Variants in AEBP2 observed in about 807,000 individuals in gnomAD.
AEBP2 encodes AE binding protein 2.
Under a neutral mutation model 50.8 loss-of-function variants are expected in AEBP2, and 10 were observed. That is an observed-to-expected ratio of 0.20 (90% CI 0.12 to 0.33). The LOEUF (loss-of-function observed/expected upper bound fraction) is 0.33. Ranked by LOEUF, AEBP2 falls within the 10% of genes least tolerant of loss-of-function variation. The pLI is 1.00. For synonymous variants in AEBP2, 296 were observed against 261.3 expected (o/e 1.13, Z -1.28); for missense variants, 570 against 688.0 (o/e 0.83, Z 1.92).
upstream of AEBP2, among the ~76,000 whole-genome samples, chr12:19,436,375 A>G (rs1947861400): frequency 6.6e-6 from 1 of 152,040 alleles, no homozygotes; most frequent in African/African-American, 2.4e-5. Context: ...ATGACCATAA[A>G]AGTGGCCAGC....
chr12:19,508,208 GT>G (rs1949180585), intron 5 of AEBP2, among the ~76,000 whole-genome samples: 1 of 151,836 alleles, frequency 6.6e-6, no homozygotes, highest in Non-Finnish European at 1.5e-5. Context: ...TTTTTTTGTT[GT>G]TTTTAAAAAA....
At chr12:19,405,692 G>A (rs1477442654) in intron 1 of AEBP2, among the ~76,000 whole-genome samples, 1 of 152,142 alleles carries the variant, frequency 6.6e-6, no homozygotes, top group African/African-American at 2.4e-5. Context: ...GTAGAGAGGT[G>A]GGAGGACTGG....
intron 1 of AEBP2, among the ~76,000 whole-genome samples, chr12:19,459,384 A>T (rs148763380): frequency 0.021 from 3,265 of 152,050 alleles, 39 homozygotes; most frequent in East Asian, 0.042. Context: ...GGCTCCTGCC[A>T]CTATGCCTGG....
At chr12:19,421,405 T>C (rs1174238481) in intron 1 of AEBP2, among the ~76,000 whole-genome samples, 2 of 145,096 alleles carry the variant, frequency 1.4e-5, no homozygotes, top group Non-Finnish European at 3.0e-5. Flanking sequence ...GAGGGCCCAG[T>C]ATTTTGGCAG....
intron 2 of AEBP2, among the ~76,000 whole-genome samples, chr12:19,465,426 G>T (rs923032302): frequency 6.6e-6 from 1 of 151,928 alleles, no homozygotes; most frequent in Non-Finnish European, 1.5e-5. Flanking sequence ...AAAGAGTAAT[G>T]TTATTTTGAT....
intron 1 of AEBP2, among the ~76,000 whole-genome samples, chr12:19,459,341 C>T (rs1349294446): frequency 6.6e-6 from 1 of 151,944 alleles, no homozygotes; most frequent in East Asian, 1.9e-4. Flanking sequence ...ATGCCATTCT[C>T]CTGCCTTAGC....
At chr12:19,412,020 A>G (rs2153363338) in intron 1 of AEBP2, among the ~76,000 whole-genome samples, 1 of 152,312 alleles carries the variant, frequency 6.6e-6, no homozygotes, top group Non-Finnish European at 1.5e-5. Flanking sequence ...CCTGTCCGTA[A>G]GTGCTGCGCA....
chr12:19,496,705 A>T (rs11044619), intron 4 of AEBP2, among the ~76,000 whole-genome samples: 9 of 146,654 alleles, frequency 6.1e-5, no homozygotes, highest in Non-Finnish European at 1.2e-4. Context: ...TCTGTCACCC[A>T]GGCTGGAATG....
intron 4 of AEBP2, among the ~76,000 whole-genome samples, chr12:19,499,683 T>C (rs568080099): frequency 6.6e-6 from 1 of 151,952 alleles, no homozygotes; most frequent in Non-Finnish European, 1.5e-5. Context: ...TGAAATTACA[T>C]GGTAACACAA....
At chr12:19,436,959 C>T (rs112634751), upstream of AEBP2, among the ~76,000 whole-genome samples, 431 of 152,238 alleles carry the variant, frequency 2.8e-3, 1 homozygote, top group African/African-American at 9.8e-3. Context: ...AAGTCTCTCA[C>T]TGAACCTCTG....
intron 1 of AEBP2, among the ~76,000 whole-genome samples, chr12:19,427,107 G>A (rs546608999): frequency 2.0e-5 from 3 of 151,874 alleles, no homozygotes; most frequent in African/African-American, 7.2e-5. Flanking sequence ...GGTCGGGCAC[G>A]GTGGCTTATG....
chr12:19,500,262 T>C (rs1949047643), intron 5 of AEBP2, 41 bp downstream of exon 5: 3 of 1,375,776 alleles, frequency 2.2e-6, no homozygotes, highest in South Asian at 1.6e-5. Context: ...TATAAAACTT[T>C]GCAAAAAAAT....
In AEBP2 at chr12:19,439,810, G is replaced by GGAGGAGGAGGAA. The variant is rs1268310361; in HGVS notation, c.123_134dup (p.Glu45_Glu48dup). The GGAGGAGGAGGAA allele has an allele frequency of 4.5e-5, 68 of 1,501,044 alleles. 1 individual carries two copies. In the Admixed American group the frequency reaches 6.6e-4, roughly 15 times the overall value. The allele number at this position is 1,501,044 out of a possible 1,614,324, so 93.0% of individuals were successfully genotyped here. On this transcript the variant is annotated inframe_insertion, in exon 1 of 8. Transcript: ENST00000266508. ...CGCGGGGCCGGGCTGAGCCCCCCGAGGAGGAGGAGGAAGAGGAGGAGGAGG... is the reference window on the plus strand; with the variant it reads ...CGCGGGGCCGGGCTGAGCCCCCCGAGGAGGAGGAGGAAGAGGAGGAGGAAGAGGAGGAGGAGG...
intron 1 of AEBP2, chr12:19,413,146 C>G: frequency 1.4e-6 from 1 of 725,854 alleles, no homozygotes; most frequent in Non-Finnish European, 2.6e-6. Flanking sequence ...CCAAGTTTAG[C>G]CGACAGGATC....
At position 19,456,972 on chromosome 12, in the gene AEBP2, G is replaced by A. The variant is rs756281205; in HGVS notation, c.672-5538G>A. On this transcript the variant is annotated intron_variant, in intron 1 of 7. Coordinates refer to ENST00000266508, the MANE Select transcript of AEBP2 (RefSeq NM_153207.5). ...CAAGCAGCATGGTTCCACTGGTATT[G>A]CCATCCTTACAGGAGGATTTTCGTC... is the stretch of plus-strand genomic sequence containing the variant. The A allele has an allele frequency of 2.6e-5, 40 of 1,562,116 alleles. 1 individual carries two copies. The highest frequency in any genetic ancestry group is 3.8e-4 in the Middle Eastern group (2 of 5,200).
In AEBP2 at chr12:19,518,141, C is replaced by A; in HGVS notation, c.*24C>A. On this transcript the variant is annotated 3_prime_UTR_variant, in exon 8 of 8. Transcript: ENST00000266508. ...AAAAAATAAATAAATACATAAAAAG[C>A]AAACAAGCGGGGACACCTGCAGTCT... 6.3e-7 allele frequency: 1 copy of A among 1,580,250 alleles called. No homozygotes were observed. The highest frequency in any genetic ancestry group is 8.6e-7 in the Non-Finnish European group (1 of 1,163,238).
chr12:19,496,664 C>CTTTT (rs771598222), intron 4 of AEBP2, among the ~76,000 whole-genome samples: 1 of 142,926 alleles, frequency 7.0e-6, no homozygotes, highest in Non-Finnish European at 1.5e-5. Context: ...TTTTTTTAAC[C>CTTTT]TTTTTTTTTT....
intron 3 of AEBP2, among the ~76,000 whole-genome samples, chr12:19,474,726 A>C (rs111780660): frequency 0.014 from 2,055 of 152,040 alleles, 38 homozygotes; most frequent in African/African-American, 0.047. Context: ...CTATATACCA[A>C]GTTTCTTCCA....
chr12:19,466,392 G>T (rs890410051), intron 2 of AEBP2, among the ~76,000 whole-genome samples: 2 of 152,056 alleles, frequency 1.3e-5, no homozygotes, highest in Non-Finnish European at 1.5e-5. Context: ...GGAGGTTGAG[G>T]CTGCTGTGAG....
Sources: gnomAD v4.1 joint callset for allele counts (sites outside exome capture counted in the v4.1 genomes callset) on GRCh38, gnomAD v4.1.1 for gene constraint, MANE v1.5 for transcripts, NCBI Gene and HGNC (gene_info 2026-07-23, HGNC 2026-07-21) for gene names.